The following SAMD11 variants were observed in gnomAD, a reference collection of about 807,000 sequenced individuals.
SAMD11 encodes sterile alpha motif domain containing 11.
SAMD11 carries 77 observed loss-of-function variants against 64.4 expected under a neutral mutation model. The ratio of observed to expected loss-of-function variants is 1.20; its 90% CI spans 0.99 to 1.44. SAMD11 has a LOEUF of 1.44. Ranked by LOEUF, SAMD11 falls within the 40% of genes most tolerant of loss-of-function variation. The probability of loss-of-function intolerance (pLI) is 0.00; values close to 1 mark genes in which losing one functional copy is unlikely to be tolerated. For missense variants in SAMD11, 1,402 were observed against 943.3 expected, an observed-to-expected ratio of 1.49 and a Z score of -6.37; for synonymous variants, 658 against 421.9, an observed-to-expected ratio of 1.56 and a Z score of -6.86.
chr1:932,707 G>A (rs1019261720), intron 4 of SAMD11, among the ~76,000 whole-genome samples: 14 of 152,196 alleles, frequency 9.2e-5, no homozygotes, highest in African/African-American at 1.4e-4. Context: ...ATTTGCTCCC[G>A]TCCAGTGGTC....
At chr1:943,671 C>G (rs1275153903) in intron 12 of SAMD11, 27 bp from the exon 13 acceptor site, 1 of 1,525,892 alleles carries the variant, frequency 6.6e-7, no homozygotes, top group Admixed American at 2.0e-5. Context: ...CACCCGGGTC[C>G]TGACCCTCCC....
At chr1:943,844 C>T (rs954889043) in intron 13 of SAMD11, 36 bp downstream of exon 13, 1 of 1,612,976 alleles carries the variant, frequency 6.2e-7, no homozygotes, top group South Asian at 1.1e-5. Context: ...GGTCTCCAGA[C>T]CACAGCTGGG....
rs553373622 is a variant in SAMD11, at chr1:944,530, C to T, written c.*377C>T. The T allele has an allele frequency of 8.8e-5, 55 of 627,476 alleles. No individual in the cohort carries two copies. Among genetic ancestry groups the T allele is most frequent in the African/African-American group, 8.0e-4 (43 of 53,644 alleles). The allele number at this position is 627,476 out of a possible 1,614,324, so 38.9% of individuals were successfully genotyped here. ...CACCAGCCCAGCCCAGCCCAGCTCT[C>T]GATACGTTTGGTCTTTCATGCTGAA... On this transcript the variant is annotated 3_prime_UTR_variant, in exon 14 of 14. Coordinates refer to ENST00000616016, the MANE Select transcript of SAMD11 (RefSeq NM_001385641.1).
intron 2 of SAMD11, 122 bp from the exon 3 acceptor site, chr1:930,033 G>T: frequency 8.5e-7 from 1 of 1,182,388 alleles, no homozygotes; most frequent in Non-Finnish European, 1.2e-6. Context: ...GGCTCGGCCT[G>T]GGGTGCGAGA....
intron 4 of SAMD11, among the ~76,000 whole-genome samples, chr1:932,486 T>TC (rs1641214175): frequency 6.6e-6 from 1 of 152,036 alleles, no homozygotes; most frequent in Non-Finnish European, 1.5e-5. Flanking sequence ...CGTGCTGGGG[T>TC]CCCCGGAGGA....
At chr1:928,166 G>A (rs1227166106) in intron 2 of SAMD11, among the ~76,000 whole-genome samples, 3 of 152,330 alleles carry the variant, frequency 2.0e-5, no homozygotes, top group Non-Finnish European at 2.9e-5. Flanking sequence ...GGCCGAGGCG[G>A]GCGGATCACG....
In SAMD11 at chr1:942,218, C is replaced by T. The variant is rs1001357452; in HGVS notation, c.1441C>T (p.Leu481=). The T allele has an allele frequency of 1.7e-5, 23 of 1,360,168 alleles. No individual in the cohort carries two copies. In the East Asian group the frequency reaches 2.3e-4, roughly 13 times the overall value. The allele number at this position is 1,360,168 out of a possible 1,614,324, so 84.3% of individuals were successfully genotyped here. A position where few individuals can be genotyped will look rare whatever the true frequency, so the allele number is the denominator to read the frequency against. The part of the protein sequence containing the change: ...ALGPHLRPPF[L]GVPSALCQTP... ...GGGCCCCCATCTCAGGCCCCCCTTC[C>T]TGGGGGTGCCCTCGGCTCTGTGCCA... The change falls in exon 9 of 14, where the codon CTG becomes TTG. Residue 481 remains leucine, a synonymous_variant. Transcript: ENST00000616016.
At chr1:943,831 C>T (rs1569924683) in intron 13 of SAMD11, 23 bp downstream of exon 13, 1 of 1,612,954 alleles carries the variant, frequency 6.2e-7, no homozygotes, top group Non-Finnish European at 8.5e-7. Flanking sequence ...GGAGTGAGGT[C>T]AGGGTCTCCA....
chr1:944,015 G>C lies in SAMD11; in HGVS notation c.2397G>C (p.Glu799Asp), dbSNP rs373443477. 1.2e-6 allele frequency: 2 copies of C among 1,612,806 alleles called. No homozygotes were observed. The highest frequency in any genetic ancestry group is 1.7e-6 in the Non-Finnish European group (2 of 1,180,028). ...CGGAGCGAGAACTCGGCACAGGAGA[G>C]CAGCCCTTGTCCCCCACGACGGCCA... ...RAPERELGTG[E>D]QPLSPTTATS... Residue 799 changes from glutamate to aspartate, a missense_variant, in exon 14 of 14, where the codon GAG becomes GAC. Physicochemically the swap from Glu to Asp is conservative, Grantham distance 45. Transcript: ENST00000616016.
At chr1:943,414 G>A (rs746172816) in intron 12 of SAMD11, 37 bp downstream of exon 12, 1 of 1,489,618 alleles carries the variant, frequency 6.7e-7, no homozygotes, top group South Asian at 1.3e-5. Flanking sequence ...CGGGGCTGGA[G>A]CTGGCTGGCA....
chr1:925,854 G>A, intron 1 of SAMD11, 68 bp from the exon 2 acceptor site: 2 of 1,145,064 alleles, frequency 1.7e-6, no homozygotes, highest in South Asian at 1.2e-5. Context: ...GGGGGTACTG[G>A]CCCTGCCGCT....
At chr1:942,383 AC>A in intron 9 of SAMD11, 26 bp from the exon 10 acceptor site, 2 of 1,050,212 alleles carry the variant, frequency 1.9e-6, no homozygotes, top group Admixed American at 2.6e-5. Context: ...GGACCCCCCG[AC>A]CCCGCGTTGT....
In SAMD11 at chr1:942,423, G is replaced by A. The variant is rs770392637; in HGVS notation, c.1488G>A (p.Leu496=). ...ALCQTPGYGF[L]PPAQAEMFAW... ...CCTCCCCACCAGGCTACGGCTTCCT[G>A]CCCCCCGCGCAGGCGGAGATGTTCG... The change falls in exon 10 of 14, where the codon CTG becomes CTA. Residue 496 remains leucine (L), a synonymous_variant. Coordinates refer to ENST00000616016, the MANE Select transcript of SAMD11 (RefSeq NM_001385641.1). 52 of 1,482,780 alleles carry A rather than the reference G, an allele frequency of 3.5e-5. No homozygotes were observed. In the East Asian group the frequency reaches 1.2e-3, roughly 33 times the overall value. The allele number at this position is 1,482,780 out of a possible 1,614,324, so 91.9% of individuals were successfully genotyped here.
At chr1:936,033 G>A in intron 5 of SAMD11, 137 bp downstream of exon 5, 1 of 909,524 alleles carries the variant, frequency 1.1e-6, no homozygotes, top group African/African-American at 1.7e-5. Flanking sequence ...GGGCTGCATG[G>A]GATGGTAATT....
chr1:944,308 C>T lies in SAMD11; in HGVS notation c.*155C>T. The T allele has an allele frequency of 1.4e-6, 2 of 1,392,632 alleles. No individual in the cohort carries two copies. The highest frequency in any genetic ancestry group is 1.9e-6 in the Non-Finnish European group (2 of 1,079,388). 86.3% of individuals were successfully genotyped at this position (1,392,632 alleles called of 1,614,324 possible). Reference sequence around the variant, plus strand: ...ACTTCAAAGGAAAGGAACAAATTTTCAAAGACTTGGGGGAGTGAAGGCAGA... The same window carrying T: ...ACTTCAAAGGAAAGGAACAAATTTTTAAAGACTTGGGGGAGTGAAGGCAGA... On this transcript the variant is annotated 3_prime_UTR_variant, in exon 14 of 14. Coordinates refer to ENST00000616016, the MANE Select transcript of SAMD11 (RefSeq NM_001385641.1).
chr1:930,985 G>T, intron 3 of SAMD11, 54 bp from the exon 4 acceptor site: 1 of 1,561,462 alleles, frequency 6.4e-7, no homozygotes, highest in East Asian at 2.3e-5. Flanking sequence ...CTATCCTGAG[G>T]CTGGGGTCAG....
Position 939,438 on chromosome 1 carries a change from C to T in SAMD11, c.1195+26C>T, listed in dbSNP as rs1381439065. ...GTGAGGACCCACCCTGGCATGATCC[C>T]CCTCATCACCTCCCCAGCCACGGTG... is the stretch of plus-strand genomic sequence containing the variant. On this transcript the variant is annotated intron_variant, in intron 7 of 13. Transcript: ENST00000616016. 4 of 1,437,722 alleles carry T rather than the reference C, an allele frequency of 2.8e-6. No individual in the cohort carries two copies. The Admixed American group carries it at 5.5e-5, about 20-fold the overall frequency. 89.1% of individuals were successfully genotyped at this position (1,437,722 alleles called of 1,614,324 possible). A position where few individuals can be genotyped will look rare whatever the true frequency, so the allele number is the denominator to read the frequency against.
chr1:926,043 A>C (rs747676257), intron 2 of SAMD11, 30 bp downstream of exon 2: 3 of 1,598,984 alleles, frequency 1.9e-6, no homozygotes, highest in Non-Finnish European at 2.6e-6. Flanking sequence ...TGGGGCTGGG[A>C]GTTACTCTCC....
Position 941,284 on chromosome 1 carries a change from G to A in SAMD11, c.1336G>A (p.Ala446Thr), listed in dbSNP as rs571654307. The change falls in exon 8 of 14, where the codon GCC (alanine) becomes ACC (threonine). Residue 446 changes from alanine (A) to threonine (T), a missense_variant. Coordinates refer to ENST00000616016, the MANE Select transcript of SAMD11 (RefSeq NM_001385641.1). ...AQHREGAAPAAAPSFSERELP... is the reference protein window; with the variant it reads ...AQHREGAAPATAPSFSERELP... ...GCACCGGGAGGGCGCCGCCCCAGCT[G>A]CCGCCCCGTCCTTCTCGGAGAGGTA... is the stretch of plus-strand genomic sequence containing the variant. 5.5e-5 allele frequency: 88 copies of A among 1,593,266 alleles called. 1 individual carries two copies. The South Asian group carries it at 9.7e-4, about 18-fold the overall frequency.
Sources: allele counts gnomAD v4.1 joint callset (sites outside exome capture counted in the v4.1 genomes callset), GRCh38; gene constraint gnomAD v4.1.1; transcripts MANE v1.5; gene names NCBI Gene and HGNC (gene_info 2026-07-23, HGNC 2026-07-21).